The following LRFN5 variants were observed in gnomAD, a reference collection of about 807,000 sequenced individuals.
LRFN5 encodes the protein leucine rich repeat and fibronectin type III domain containing 5.
A neutral mutation model predicts 45.6 loss-of-function variants in LRFN5; 24 were observed. The ratio of observed to expected loss-of-function variants is 0.53; its 90% CI spans 0.38 to 0.74. The LOEUF (loss-of-function observed/expected upper bound fraction) is 0.74, where lower values mean the gene tolerates loss of function less well. Among genes scored for constraint, LRFN5 ranks in the 30% least tolerant of loss-of-function variants. The pLI is 0.00. For synonymous variants in LRFN5, 340 were observed against 313.8 expected (o/e 1.08, Z -0.88); for missense variants, 776 against 861.5 (o/e 0.90, Z 1.24).
chr14:41,893,900 A>G, intron 4 of LRFN5: 2 of 985,314 alleles, frequency 2.0e-6, no homozygotes, highest in South Asian at 9.4e-5. Flanking sequence ...TAAGGAATAG[A>G]TGAGGTCACA....
intron 1 of LRFN5, among the ~76,000 whole-genome samples, chr14:41,640,674 T>C (rs1425067175): frequency 6.6e-6 from 1 of 152,174 alleles, no homozygotes; most frequent in Non-Finnish European, 1.5e-5. Flanking sequence ...AACTTGTATC[T>C]GGATATTAGA....
chr14:41,860,991 G>C (rs1281724157), intron 2 of LRFN5, among the ~76,000 whole-genome samples: 1 of 152,202 alleles, frequency 6.6e-6, no homozygotes, highest in African/African-American at 2.4e-5. Flanking sequence ...ATTCTGCTCA[G>C]AGTCCAGTGC....
At chr14:41,624,957 A>G (rs1168870184) in intron 1 of LRFN5, among the ~76,000 whole-genome samples, 1 of 151,886 alleles carries the variant, frequency 6.6e-6, no homozygotes, top group Non-Finnish European at 1.5e-5. Flanking sequence ...ATTTCCAGAT[A>G]AAATATCCTA....
intron 5 of LRFN5, among the ~76,000 whole-genome samples, chr14:41,902,398 G>A (rs927197881): frequency 6.6e-6 from 1 of 151,716 alleles, no homozygotes; most frequent in African/African-American, 2.4e-5. Context: ...TACTATAGGA[G>A]CTATCTATTG....
At chr14:41,889,606 G>T (rs1010306482) in intron 3 of LRFN5, among the ~76,000 whole-genome samples, 1 of 151,984 alleles carries the variant, frequency 6.6e-6, no homozygotes, top group African/African-American at 2.4e-5. Flanking sequence ...TCTTAATCCT[G>T]CAATGACAAG....
chr14:41,810,342 T>G (rs576260250), intron 2 of LRFN5, among the ~76,000 whole-genome samples: 2 of 152,148 alleles, frequency 1.3e-5, no homozygotes, highest in East Asian at 3.9e-4. Flanking sequence ...TAGCTACTTG[T>G]GAGGCTGGAT....
intron 2 of LRFN5, among the ~76,000 whole-genome samples, chr14:41,771,608 A>G (rs1378805000): frequency 1.3e-5 from 2 of 152,072 alleles, no homozygotes; most frequent in Non-Finnish European, 2.9e-5. Context: ...TAGGACCTGG[A>G]TGCAGTACAG....
In LRFN5 at chr14:41,904,290, G is replaced by A. The variant is rs760488412; in HGVS notation, c.*115G>A. 2 of 1,263,596 alleles carry A rather than the reference G, an allele frequency of 1.6e-6. No individual in the cohort carries two copies. The highest frequency in any genetic ancestry group is 2.3e-6 in the Non-Finnish European group (2 of 875,830). 78.3% of individuals were successfully genotyped at this position (1,263,596 alleles called of 1,614,324 possible). A position where few individuals can be genotyped will look rare whatever the true frequency, so the allele number is the denominator to read the frequency against. ...TAATTGTTGAACTGGTGTCGTAGAA[G>A]AAATTGTCTACAGGAGCCAAGGTGA... On this transcript the variant is annotated 3_prime_UTR_variant, in exon 6 of 6. Transcript: ENST00000298119.
chr14:41,645,462 C>T (rs1442629398), intron 1 of LRFN5, among the ~76,000 whole-genome samples: 1 of 152,038 alleles, frequency 6.6e-6, no homozygotes, highest in Non-Finnish European at 1.5e-5. Flanking sequence ...TTCCAGCCAG[C>T]AATTATTTTT....
At chr14:41,647,440 A>C (rs185633992) in intron 1 of LRFN5, among the ~76,000 whole-genome samples, 8 of 152,168 alleles carry the variant, frequency 5.3e-5, no homozygotes, top group Non-Finnish European at 8.8e-5. Flanking sequence ...GATGGATAGC[A>C]GTACGTAGTA....
chr14:41,863,518 C>T (rs1326644134), intron 2 of LRFN5, among the ~76,000 whole-genome samples: 1 of 152,048 alleles, frequency 6.6e-6, no homozygotes, highest in Non-Finnish European at 1.5e-5. Context: ...TATGATTTCT[C>T]TTTTGACCCA....
At chr14:41,904,134 CTT>C (rs746834396) in intron 5 of LRFN5, 22 bp from the exon 6 acceptor site, 1 of 1,553,086 alleles carries the variant, frequency 6.4e-7, no homozygotes, top group East Asian at 2.3e-5. Context: ...TCTTTTTTTC[CTT>C]TTTCTTTTTC....
At chr14:41,804,855 A>G (rs1594424660) in intron 2 of LRFN5, among the ~76,000 whole-genome samples, 2 of 152,280 alleles carry the variant, frequency 1.3e-5, no homozygotes, top group East Asian at 3.9e-4. Flanking sequence ...AATGTTTTGA[A>G]TGGAAACTGA....
chr14:41,883,615 T>A (rs1890463776), intron 2 of LRFN5, among the ~76,000 whole-genome samples: 1 of 152,224 alleles, frequency 6.6e-6, no homozygotes, highest in African/African-American at 2.4e-5. Flanking sequence ...ACTTTAAAGA[T>A]GTTTTTCATT....
intron 1 of LRFN5, among the ~76,000 whole-genome samples, chr14:41,674,860 G>T (rs1193136915): frequency 6.6e-6 from 1 of 151,340 alleles, no homozygotes; most frequent in East Asian, 2.0e-4. Flanking sequence ...GCGGTTGCCG[G>T]GCGGAGGGTC....
intron 1 of LRFN5, among the ~76,000 whole-genome samples, chr14:41,673,248 G>A (rs1881326722): frequency 6.6e-6 from 1 of 151,962 alleles, no homozygotes; most frequent in South Asian, 2.1e-4. Flanking sequence ...CCCAGACGGG[G>A]TGGTGGCCGG....
At chr14:41,748,407 G>A (rs891006623) in intron 1 of LRFN5, among the ~76,000 whole-genome samples, 5 of 152,034 alleles carry the variant, frequency 3.3e-5, no homozygotes, top group Non-Finnish European at 7.4e-5. Flanking sequence ...AATAAAATAT[G>A]CCAATTACAA....
At chr14:41,837,508 T>G (rs1696658223) in intron 2 of LRFN5, among the ~76,000 whole-genome samples, 1 of 152,154 alleles carries the variant, frequency 6.6e-6, no homozygotes, top group Non-Finnish European at 1.5e-5. Context: ...GAACTAAATT[T>G]TATTAACTAA....
At chr14:41,677,305 A>C (rs1881678077) in intron 1 of LRFN5, among the ~76,000 whole-genome samples, 1 of 152,220 alleles carries the variant, frequency 6.6e-6, no homozygotes, top group African/African-American at 2.4e-5. Flanking sequence ...ATCTATTAGC[A>C]AAATATCAAG....
Sources: allele counts gnomAD v4.1 joint callset (sites outside exome capture counted in the v4.1 genomes callset), GRCh38; gene constraint gnomAD v4.1.1; transcripts MANE v1.5; gene names NCBI Gene and HGNC (gene_info 2026-07-23, HGNC 2026-07-21).